Variants in RYR2 observed in about 807,000 individuals in gnomAD.
The protein encoded by RYR2 is cardiac muscle ryanodine receptor-calcium release channel.
RYR2 carries 227 observed loss-of-function variants against 601.1 expected under a neutral mutation model. That is an observed-to-expected ratio of 0.38 (90% CI 0.34 to 0.42). RYR2 has a LOEUF of 0.42. RYR2 is among the 10% of genes least tolerant of loss of function. The pLI, the probability that RYR2 is intolerant of heterozygous loss-of-function variation, is 1.00. For missense variants in RYR2, 4,646 were observed against 6,156.5 expected, an observed-to-expected ratio of 0.75 and a Z score of 8.21; for synonymous variants, 2,223 against 2,175.1, an observed-to-expected ratio of 1.02 and a Z score of -0.61.
intron 80 of RYR2, among the ~76,000 whole-genome samples, chr1:237,749,401 T>G (rs966035290): frequency 6.6e-6 from 1 of 151,760 alleles, no homozygotes; most frequent in Non-Finnish European, 1.5e-5. Flanking sequence ...ACTCAGAACA[T>G]TGACTATCAC....
intron 12 of RYR2, among the ~76,000 whole-genome samples, chr1:237,430,151 T>A (rs77680952): frequency 0.012 from 1,742 of 150,210 alleles, 32 homozygotes; most frequent in African/African-American, 0.04. Flanking sequence ...GACATCTATA[T>A]AACATATAAC....
chr1:237,721,397 T>C (rs1689706308), intron 73 of RYR2, among the ~76,000 whole-genome samples: 1 of 152,234 alleles, frequency 6.6e-6, no homozygotes, highest in South Asian at 2.1e-4. Flanking sequence ...AACTAGGCAC[T>C]CTCAGTCTGG....
intron 1 of RYR2, among the ~76,000 whole-genome samples, chr1:237,072,776 GACTCTACTAAA>G (rs1664529043): frequency 6.6e-6 from 1 of 151,808 alleles, no homozygotes; most frequent in South Asian, 2.1e-4. Context: ...GCGAAACCCC[GACTCTACTAAA>G]AGTACAAAAA....
At chr1:237,476,585 C>T (rs577772795) in intron 17 of RYR2, among the ~76,000 whole-genome samples, 182 of 148,204 alleles carry the variant, frequency 1.2e-3, no homozygotes, top group Non-Finnish European at 2.3e-3. Context: ...GCTTCATGCT[C>T]ATGTACAGAA....
intron 1 of RYR2, 157 bp from the exon 2 acceptor site, chr1:237,270,340 C>T: frequency 9.6e-7 from 1 of 1,036,462 alleles, no homozygotes; most frequent in Non-Finnish European, 1.4e-6. Flanking sequence ...GGGATTGATT[C>T]CGTAGGGGTT....
chr1:237,202,818 G>A (rs1681346607), intron 1 of RYR2, among the ~76,000 whole-genome samples: 1 of 152,084 alleles, frequency 6.6e-6, no homozygotes, highest in Admixed American at 6.5e-5. Flanking sequence ...CGTTTCCTCT[G>A]GGCTCTGATC....
Position 237,574,807 on chromosome 1 carries a change from A to G in RYR2, c.3598+5488A>G, listed in dbSNP as rs1219255798. On this transcript the variant is annotated intron_variant, in intron 29 of 104. Coordinates refer to ENST00000366574, the MANE Select transcript of RYR2 (RefSeq NM_001035.3). The stretch of plus-strand genomic sequence containing the variant: ...CATCAATAACCAGGGAGCTTGGAAG[A>G]TGACTCCAACCCTCAGATGAGAATG... Among the ~76,000 whole-genome samples the G allele has an allele frequency of 2.0e-5, 3 of 152,318 alleles. No homozygotes were observed. The East Asian group carries it at 5.8e-4, about 29-fold the overall frequency.
chr1:237,327,937 T>C (rs190632017), intron 2 of RYR2, among the ~76,000 whole-genome samples: 12 of 152,340 alleles, frequency 7.9e-5, no homozygotes, highest in Non-Finnish European at 5.9e-5. Context: ...TCCATGCTCT[T>C]AACTATTAGG....
chr1:237,461,858 G>A (rs1424660523), intron 16 of RYR2, among the ~76,000 whole-genome samples: 5 of 151,324 alleles, frequency 3.3e-5, no homozygotes, highest in Admixed American at 3.3e-4. Flanking sequence ...TAATGTTTTT[G>A]AGTTCTTATG....
chr1:237,165,995 CCAAAA>C (rs1489614606), intron 1 of RYR2, among the ~76,000 whole-genome samples: 1 of 151,918 alleles, frequency 6.6e-6, no homozygotes, highest in Non-Finnish European at 1.5e-5. Flanking sequence ...AATCCTGTCT[CCAAAA>C]ATTTTTTAAA....
At chr1:237,658,366 C>T (rs1427288930) in intron 54 of RYR2, among the ~76,000 whole-genome samples, 1 of 151,982 alleles carries the variant, frequency 6.6e-6, no homozygotes, top group Admixed American at 6.6e-5. Context: ...CAGAATTCAC[C>T]TTTTAAGGAA....
chr1:237,633,804 C>T (rs757915152), intron 43 of RYR2, 94 bp downstream of exon 43: 15 of 1,173,556 alleles, frequency 1.3e-5, no homozygotes, highest in Non-Finnish European at 1.6e-5. Context: ...TGCAATGGAC[C>T]TGAATAGACA....
At chr1:237,253,406 C>A (rs1359445850) in intron 1 of RYR2, among the ~76,000 whole-genome samples, 1 of 152,166 alleles carries the variant, frequency 6.6e-6, no homozygotes, top group Non-Finnish European at 1.5e-5. Context: ...TTCTGCAATG[C>A]AGATACTTTG....
chr1:237,353,123 A>T (rs1279276582), intron 3 of RYR2, among the ~76,000 whole-genome samples: 1 of 152,222 alleles, frequency 6.6e-6, no homozygotes, highest in Non-Finnish European at 1.5e-5. Context: ...AGCCTGCCAC[A>T]TGGTAACTGC....
chr1:237,636,697 G>A (rs1287391454), intron 44 of RYR2, among the ~76,000 whole-genome samples: 1 of 152,070 alleles, frequency 6.6e-6, no homozygotes, highest in East Asian at 1.9e-4. Context: ...CAGTAGAAAG[G>A]AAAATATATG....
At chr1:237,100,368 CTCT>C (rs975923051) in intron 1 of RYR2, among the ~76,000 whole-genome samples, 21 of 150,942 alleles carry the variant, frequency 1.4e-4, no homozygotes, top group African/African-American at 4.1e-4. Context: ...CTTCCTCTTC[CTCT>C]TCTTCTTTTT....
At chr1:237,557,787 GA>G (rs1330163316) in intron 27 of RYR2, among the ~76,000 whole-genome samples, 1 of 152,096 alleles carries the variant, frequency 6.6e-6, no homozygotes, top group Non-Finnish European at 1.5e-5. Context: ...ATAGTTTCTG[GA>G]TTGATAGATG....
intron 1 of RYR2, among the ~76,000 whole-genome samples, chr1:237,135,771 C>G (rs982438809): frequency 1.3e-5 from 2 of 152,222 alleles, no homozygotes; most frequent in African/African-American, 4.8e-5. Context: ...TTTTGTACAG[C>G]TTTTGCTTTC....
At chr1:237,387,494 A>G in intron 9 of RYR2, 114 bp downstream of exon 9, 1 of 885,362 alleles carries the variant, frequency 1.1e-6, no homozygotes, top group Admixed American at 2.2e-5. Context: ...GTGTCTAAAT[A>G]TTCTGTAATG....
Sources: allele counts gnomAD v4.1 joint callset (sites outside exome capture counted in the v4.1 genomes callset), GRCh38; gene constraint gnomAD v4.1.1; transcripts MANE v1.5; gene names NCBI Gene and HGNC (gene_info 2026-07-23, HGNC 2026-07-21).